The following MOK variants were observed in gnomAD, a reference collection of about 807,000 sequenced individuals.
The protein encoded by MOK is MAPK/MAK/MRK overlapping kinase.
In MOK, 59 loss-of-function variants were observed where a neutral mutation model predicts 54.2. The ratio of observed to expected loss-of-function variants is 1.09; its 90% confidence interval spans 0.88 to 1.35. The LOEUF is 1.35. Among genes scored for constraint, MOK ranks in the 40% most tolerant of loss-of-function variants. The pLI, the probability that MOK is intolerant of heterozygous loss-of-function variation, is 0.00. For synonymous variants in MOK, 210 were observed against 202.7 expected, an observed-to-expected ratio of 1.04 and a Z score of -0.31; for missense variants, 517 against 526.2, an observed-to-expected ratio of 0.98 and a Z score of 0.17.
intron 4 of MOK, among the ~76,000 whole-genome samples, chr14:102,261,538 TTTTA>T (rs2067470067): frequency 6.7e-6 from 1 of 149,014 alleles, no homozygotes; most frequent in African/African-American, 2.5e-5. Flanking sequence ...TTTATTTTTT[TTTTA>T]TTTTCTGTTG....
At chr14:102,300,102 T>C (rs968374427) in intron 1 of MOK, among the ~76,000 whole-genome samples, 3 of 151,914 alleles carry the variant, frequency 2.0e-5, no homozygotes, top group Admixed American at 6.6e-5. Flanking sequence ...GGCGGGCAGA[T>C]TGCCTGAGGT....
intron 1 of MOK, among the ~76,000 whole-genome samples, chr14:102,298,553 A>G (rs1393355951): frequency 1.3e-5 from 2 of 152,214 alleles, no homozygotes; most frequent in Non-Finnish European, 2.9e-5. Context: ...TGTCTAGCTC[A>G]GGGATTGTAA....
chr14:102,302,473 T>A lies in MOK; in HGVS notation c.7+2489A>T, dbSNP rs79492849. Reference sequence around the variant, plus strand: ...CTTTGTTGCCCAGGCTGCAGTACAGTGGCCCGATCTCAGCTCACTGCAAGC... The same window carrying A: ...CTTTGTTGCCCAGGCTGCAGTACAGAGGCCCGATCTCAGCTCACTGCAAGC... On this transcript the variant is annotated intron_variant, in intron 1 of 11. Transcript: ENST00000361847. Among the ~76,000 whole-genome samples the A allele has an allele frequency of 5.1e-4, 77 of 152,028 alleles. 1 individual carries two copies. The East Asian group carries it at 0.014, about 28-fold the overall frequency.
At chr14:102,241,282 G>A (rs1006384771) in intron 7 of MOK, among the ~76,000 whole-genome samples, 6 of 151,810 alleles carry the variant, frequency 4.0e-5, no homozygotes, top group Admixed American at 1.3e-4. Flanking sequence ...GCTAATCCTC[G>A]CCAGGCTGAG....
intron 1 of MOK, among the ~76,000 whole-genome samples, chr14:102,301,624 C>A (rs957310298): frequency 6.6e-6 from 1 of 152,124 alleles, no homozygotes; most frequent in African/African-American, 2.4e-5. Flanking sequence ...TCTGTGATTT[C>A]CAGTTCTGGA....
At chr14:102,290,608 A>T (rs2070671906) in intron 1 of MOK, among the ~76,000 whole-genome samples, 1 of 152,112 alleles carries the variant, frequency 6.6e-6, no homozygotes, top group Non-Finnish European at 1.5e-5. Flanking sequence ...TTATGAGCAA[A>T]AGAAAGGTGG....
intron 2 of MOK, among the ~76,000 whole-genome samples, chr14:102,280,481 G>A (rs1237106620): frequency 6.6e-6 from 1 of 152,146 alleles, no homozygotes; most frequent in Non-Finnish European, 1.5e-5. Context: ...AACGTGCTGG[G>A]ATTACAAGGC....
At chr14:102,267,644 G>A (rs1843027677) in intron 2 of MOK, among the ~76,000 whole-genome samples, 2 of 152,202 alleles carry the variant, frequency 1.3e-5, no homozygotes, top group Admixed American at 1.3e-4. Context: ...TGATATTTAA[G>A]AAGAGCCTGA....
At position 102,235,168 on chromosome 14, in the gene MOK, T is replaced by TCCTCCCCA. The variant is rs2065107701; in HGVS notation, c.591-1380_591-1379insTGGGGAGG. 6.6e-6 allele frequency: 1 copy of TCCTCCCCA among 152,170 alleles called. No individual in the cohort carries two copies. The highest frequency in any genetic ancestry group is 2.4e-5 in the African/African-American group (1 of 41,428). The allele number at this position is 152,170 out of a possible 1,614,324, so 9.4% of individuals were successfully genotyped here. A position where few individuals can be genotyped will look rare whatever the true frequency, so the allele number is the denominator to read the frequency against. ...CCTCCCCATCTCCACCCCTTACTCG[T>TCCTCCCCA]TCTCGAGCCCAACACGCCCAGCAGC... On this transcript the variant is annotated intron_variant, in intron 7 of 11. Transcript: ENST00000361847. This position sits in a 1 kb window ranked among gnomAD's most constrained non-coding sequence, Gnocchi z 4.4.
chr14:102,231,807 C>A lies in MOK; in HGVS notation c.881G>T (p.Arg294Leu). The A allele has an allele frequency of 6.2e-7, 1 of 1,611,412 alleles. No individual in the cohort carries two copies. Among genetic ancestry groups the A allele is most frequent in the Non-Finnish European group, 8.5e-7 (1 of 1,178,356 alleles). Reference protein sequence around the residue: ...YFQEQRKTEKRALGSHRKAGF... With the variant: ...YFQEQRKTEKLALGSHRKAGF... The stretch of plus-strand genomic sequence containing the variant: ...AGCTTTTCTGTGGCTGCCCAGAGCC[C>A]GCTTCTCTGTTTTCCTACGGGGAAG... Residue 294 changes from arginine to leucine, a missense_variant, in exon 10 of 12, where the codon CGG becomes CTG. Arg to Leu is a moderately radical substitution (Grantham distance 102). Coordinates refer to ENST00000361847, the MANE Select transcript of MOK (RefSeq NM_014226.3). This position sits in a 1 kb window ranked among gnomAD's most constrained non-coding sequence, Gnocchi z 4.4.
At chr14:102,265,612 CAG>C (rs200237447) in intron 3 of MOK, among the ~76,000 whole-genome samples, 1 of 151,886 alleles carries the variant, frequency 6.6e-6, no homozygotes, top group Admixed American at 6.6e-5. Context: ...GCCTGCATGA[CAG>C]AGAGAGAGAC....
chr14:102,234,805 G>A (rs1331365783), intron 7 of MOK, among the ~76,000 whole-genome samples: 6 of 152,234 alleles, frequency 3.9e-5, no homozygotes, highest in African/African-American at 1.4e-4. Flanking sequence ...ATTCCGACAT[G>A]CTCAGAGACT....
At chr14:102,239,698 T>G (rs1405886467) in intron 7 of MOK, among the ~76,000 whole-genome samples, 3 of 152,012 alleles carry the variant, frequency 2.0e-5, no homozygotes, top group Non-Finnish European at 4.4e-5. Flanking sequence ...GTGAAACCCC[T>G]TCTCTACTAA....
At chr14:102,296,466 T>C (rs966214350) in intron 1 of MOK, among the ~76,000 whole-genome samples, 2 of 152,168 alleles carry the variant, frequency 1.3e-5, no homozygotes, top group Non-Finnish European at 2.9e-5. Flanking sequence ...AATGTATGAA[T>C]GTCCATCTAA....
chr14:102,293,483 G>C (rs2071000024), intron 1 of MOK, among the ~76,000 whole-genome samples: 1 of 152,056 alleles, frequency 6.6e-6, no homozygotes, highest in African/African-American at 2.4e-5. Flanking sequence ...CGGATCACCT[G>C]AGGTCAGGAG....
intron 2 of MOK, among the ~76,000 whole-genome samples, chr14:102,269,124 TAA>T (rs201737833): frequency 6.6e-6 from 1 of 151,236 alleles, no homozygotes; most frequent in Non-Finnish European, 1.5e-5. Flanking sequence ...TTCATGATGA[TAA>T]AAAAAGAGTC....
At chr14:102,222,475 G>A (rs1472652424), downstream of MOK, among the ~76,000 whole-genome samples, 3 of 152,190 alleles carry the variant, frequency 2.0e-5, no homozygotes, top group Non-Finnish European at 2.9e-5. This position sits in a 1 kb window ranked among gnomAD's most constrained non-coding sequence, Gnocchi z 4.4. Context: ...GGCTGAAGGC[G>A]CTGAACACCT....
In MOK at chr14:102,236,626, C is replaced by T. The variant is rs967705401; in HGVS notation, c.591-2837G>A. Among the ~76,000 whole-genome samples, 3 of 152,102 alleles carry T rather than the reference C, an allele frequency of 2.0e-5. No homozygotes were observed. Among genetic ancestry groups the T allele is most frequent in the East Asian group, 1.9e-4 (1 of 5,202 alleles). On this transcript the variant is annotated intron_variant, in intron 7 of 11. Coordinates refer to ENST00000361847, the MANE Select transcript of MOK (RefSeq NM_014226.3). The surrounding 1 kb of genome is among the most constrained non-coding windows in gnomAD (Gnocchi z 4.5). ...TCCTCTATGCGAGTCCAGCCCCTGA[C>T]CCCTCTCCCCAGTACCCACTTCCCA...
intron 2 of MOK, chr14:102,283,111 C>T (rs1409796873): frequency 6.5e-6 from 1 of 153,346 alleles, no homozygotes; most frequent in Admixed American, 6.7e-5. Flanking sequence ...ATAAAGGGTT[C>T]ACTTCCGAGC....
Sources: allele counts gnomAD v4.1 joint callset (sites outside exome capture counted in the v4.1 genomes callset), GRCh38; gene constraint gnomAD v4.1.1; non-coding constraint Gnocchi (gnomAD v3.1); transcripts MANE v1.5; gene names NCBI Gene and HGNC (gene_info 2026-07-23, HGNC 2026-07-21).